The following EGFLAM variants were observed in gnomAD, a reference collection of about 807,000 sequenced individuals.
EGFLAM encodes EGF like, fibronectin type III and laminin G domains.
EGFLAM carries 79 observed loss-of-function variants against 113.1 expected under a neutral mutation model. The ratio of observed to expected loss-of-function variants is 0.70; its 90% confidence interval spans 0.58 to 0.84. The LOEUF is 0.84. EGFLAM is among the 40% of genes least tolerant of loss of function. The pLI is 0.00. For synonymous variants in EGFLAM, 504 were observed against 487.6 expected (o/e 1.03, Z -0.44); for missense variants, 1,265 against 1,291.6 (o/e 0.98, Z 0.32).
At chr5:38,353,261 A>G (rs1172629251) in intron 5 of EGFLAM, among the ~76,000 whole-genome samples, 1 of 152,250 alleles carries the variant, frequency 6.6e-6, no homozygotes, top group Non-Finnish European at 1.5e-5. Flanking sequence ...AAGGTCAACA[A>G]AAAGAATTCC....
intron 1 of EGFLAM, among the ~76,000 whole-genome samples, chr5:38,321,982 C>T (rs1738755069): frequency 6.6e-6 from 1 of 152,202 alleles, no homozygotes; most frequent in Non-Finnish European, 1.5e-5. Context: ...CCAGAAAGAG[C>T]AGGTTCAAAT....
chr5:38,280,757 A>G (rs73750667), intron 1 of EGFLAM, among the ~76,000 whole-genome samples: 3,010 of 152,314 alleles, frequency 0.02, 97 homozygotes, highest in African/African-American at 0.067. Flanking sequence ...TTCTTTGATT[A>G]GGTAAATTCC....
At chr5:38,366,409 C>T (rs1579826617) in intron 5 of EGFLAM, among the ~76,000 whole-genome samples, 1 of 152,178 alleles carries the variant, frequency 6.6e-6, no homozygotes, top group Non-Finnish European at 1.5e-5. Flanking sequence ...TATAAACTCC[C>T]TGAAAATGGA....
chr5:38,259,011 G>T (rs1004144053), intron 1 of EGFLAM, among the ~76,000 whole-genome samples, 160 bp downstream of exon 1: 6 of 138,566 alleles, frequency 4.3e-5, no homozygotes, highest in Non-Finnish European at 8.4e-5. Context: ...CGCAAACCTC[G>T]CCCTCCCCCG....
intron 6 of EGFLAM, among the ~76,000 whole-genome samples, chr5:38,372,928 TGC>T: frequency 6.6e-6 from 1 of 152,242 alleles, no homozygotes; most frequent in Non-Finnish European, 1.5e-5. Context: ...ACTATTATTT[TGC>T]TTCCAAAACA....
chr5:38,414,336 C>G (rs1372915627), intron 11 of EGFLAM, among the ~76,000 whole-genome samples: 1 of 152,182 alleles, frequency 6.6e-6, no homozygotes, highest in Non-Finnish European at 1.5e-5. Flanking sequence ...AAAGAAACTT[C>G]TAGCTTGGGT....
chr5:38,402,584 A>C (rs1456546453), intron 6 of EGFLAM, among the ~76,000 whole-genome samples: 1 of 152,226 alleles, frequency 6.6e-6, no homozygotes, highest in Admixed American at 6.5e-5. Flanking sequence ...ATTTGAGTTT[A>C]GCTCAGCCAG....
chr5:38,282,172 A>G (rs912722692), intron 1 of EGFLAM: 13 of 152,234 alleles, frequency 8.5e-5, no homozygotes, highest in African/African-American at 3.1e-4. Context: ...AGAGTTGAAA[A>G]TGATTATTAG....
chr5:38,394,631 G>A lies in EGFLAM; in HGVS notation c.713-11495G>A, dbSNP rs901912550. Among the ~76,000 whole-genome samples the A allele has an allele frequency of 5.3e-5, 8 of 150,364 alleles. No homozygotes were observed. In the East Asian group the frequency reaches 1.2e-3, roughly 22 times the overall value. ...TCACCGTGTTAGCCAGGATGGTCTC[G>A]ATCTCCTGACCTCGTGATCCACCCG... On this transcript the variant is annotated intron_variant, in intron 6 of 21. Coordinates refer to ENST00000322350, the MANE Select transcript of EGFLAM (RefSeq NM_152403.4).
rs199596625 is a variant in EGFLAM, at chr5:38,316,076, C to CAA, written c.98-21429_98-21428dup. Among the ~76,000 whole-genome samples the CAA allele has an allele frequency of 5.1e-3, 637 of 125,292 alleles. 13 individuals carry two copies. The highest frequency in any genetic ancestry group is 0.014 in the African/African-American group (495 of 34,604). 82.2% of individuals were successfully genotyped at this position (125,292 alleles called of 152,430 possible). On this transcript the variant is annotated intron_variant, in intron 1 of 21. Coordinates refer to ENST00000322350, the MANE Select transcript of EGFLAM (RefSeq NM_152403.4). Reference sequence around the variant, plus strand: ...TGGGCAACAGAGCAAGACTCTGTCCCAAAAAAAAAAAAAAAATCCTAAGCA... The same window carrying CAA: ...TGGGCAACAGAGCAAGACTCTGTCCCAAAAAAAAAAAAAAAAAATCCTAAGCA...
intron 3 of EGFLAM, among the ~76,000 whole-genome samples, chr5:38,343,406 CA>C (rs61453202): frequency 0.017 from 2,263 of 130,824 alleles, 35 homozygotes; most frequent in African/African-American, 0.048. Flanking sequence ...AACTCCATCT[CA>C]AAAAAAAAAA....
chr5:38,423,965 TC>T (rs1401419551), intron 12 of EGFLAM, among the ~76,000 whole-genome samples: 1 of 152,118 alleles, frequency 6.6e-6, no homozygotes, highest in East Asian at 1.9e-4. Flanking sequence ...CAAGGAGGGC[TC>T]CTGCCCTCAC....
intron 5 of EGFLAM, among the ~76,000 whole-genome samples, chr5:38,360,591 G>A (rs1394203780): frequency 6.6e-6 from 1 of 152,046 alleles, no homozygotes; most frequent in Admixed American, 6.6e-5. Flanking sequence ...ATCTTTGGTG[G>A]GTTATTTAAC....
chr5:38,313,814 C>A (rs186148136), intron 1 of EGFLAM, among the ~76,000 whole-genome samples: 1 of 152,136 alleles, frequency 6.6e-6, no homozygotes, highest in African/African-American at 2.4e-5. Context: ...TTTCTAATAA[C>A]TTGTCTATGT....
At chr5:38,433,482 G>C (rs1022126692) in intron 15 of EGFLAM, among the ~76,000 whole-genome samples, 1 of 152,222 alleles carries the variant, frequency 6.6e-6, no homozygotes, top group Non-Finnish European at 1.5e-5. Flanking sequence ...GGTGGGATAT[G>C]TTTTCTTCTC....
chr5:38,339,718 C>T (rs545398933), intron 3 of EGFLAM, among the ~76,000 whole-genome samples: 1 of 152,358 alleles, frequency 6.6e-6, no homozygotes, highest in South Asian at 2.1e-4. Flanking sequence ...ACAGCATCAA[C>T]TGTAAACTCA....
At chr5:38,427,414 C>T in intron 14 of EGFLAM, 162 bp downstream of exon 14, 1 of 1,222,206 alleles carries the variant, frequency 8.2e-7, no homozygotes, top group Non-Finnish European at 1.1e-6. Flanking sequence ...AGGCAGATGA[C>T]AGGCTTCCTA....
intron 3 of EGFLAM, among the ~76,000 whole-genome samples, chr5:38,339,558 A>G (rs1352774122): frequency 6.6e-6 from 1 of 152,190 alleles, no homozygotes; most frequent in Non-Finnish European, 1.5e-5. Context: ...TCACTTATTG[A>G]GCATCTGTTA....
rs145617832 is a variant in EGFLAM, at chr5:38,403,588, C to T, written c.713-2538C>T. The T allele has an allele frequency of 5.5e-4, 250 of 453,424 alleles. 2 individuals are homozygous for T. In the East Asian group the frequency reaches 9.7e-3, roughly 18 times the overall value. The allele number at this position is 453,424 out of a possible 1,614,324, so 28.1% of individuals were successfully genotyped here. ...CATGGGGCAGGGAGCATATGGAGCA[C>T]GGATATGCCAGACAGAGGGATGATT... On this transcript the variant is annotated intron_variant, in intron 6 of 21. Transcript: ENST00000322350.
Sources: allele counts gnomAD v4.1 joint callset (sites outside exome capture counted in the v4.1 genomes callset), GRCh38; gene constraint gnomAD v4.1.1; transcripts MANE v1.5; gene names NCBI Gene and HGNC (gene_info 2026-07-23, HGNC 2026-07-21).